WASHC2A: variants seen among roughly 807,000 people sequenced by gnomAD.
WASHC2A encodes WASH complex subunit FAM21A.
In WASHC2A, 82 loss-of-function variants were observed where a neutral mutation model predicts 140.3. The ratio of observed to expected loss-of-function variants is 0.58; its 90% CI spans 0.49 to 0.70. WASHC2A has a LOEUF of 0.70. Ranked by LOEUF, WASHC2A falls within the 30% of genes least tolerant of loss-of-function variation. The pLI, the probability that WASHC2A is intolerant of heterozygous loss-of-function variation, is 0.00. For synonymous variants in WASHC2A, 340 were observed against 560.8 expected, an observed-to-expected ratio of 0.61 and a Z score of 5.56; for missense variants, 985 against 1,521.8, an observed-to-expected ratio of 0.65 and a Z score of 5.87.
At chr10:50,113,423 C>T (rs1467134493) in intron 20 of WASHC2A, among the ~76,000 whole-genome samples, 4 of 151,294 alleles carry the variant, frequency 2.6e-5, no homozygotes, top group South Asian at 4.2e-4. Context: ...AATTATGTCT[C>T]AATAACGCTA....
intron 3 of WASHC2A, among the ~76,000 whole-genome samples, chr10:50,070,411 G>A (rs868970944): frequency 3.3e-5 from 5 of 152,242 alleles, no homozygotes; most frequent in Middle Eastern, 6.8e-3. Context: ...CTCATAGGGT[G>A]TCCCAACTTT....
At chr10:50,091,602 T>A in intron 10 of WASHC2A, 84 bp downstream of exon 10, 2 of 1,326,710 alleles carry the variant, frequency 1.5e-6, no homozygotes, top group Non-Finnish European at 2.1e-6. Context: ...GATTTCTCTT[T>A]TTATTAGTAA....
chr10:50,075,364 C>G (rs1838223312), intron 3 of WASHC2A, among the ~76,000 whole-genome samples: 1 of 151,184 alleles, frequency 6.6e-6, no homozygotes, highest in African/African-American at 2.4e-5. Context: ...TCGTCCTTAA[C>G]TCTAATCATT....
At chr10:50,069,953 G>C (rs187397031) in intron 3 of WASHC2A, among the ~76,000 whole-genome samples, 2 of 152,134 alleles carry the variant, frequency 1.3e-5, no homozygotes, top group East Asian at 3.9e-4. Flanking sequence ...ATCTTTTGTC[G>C]TTTTGAGAGT....
At chr10:50,073,334 A>G (rs1293112272) in intron 3 of WASHC2A, among the ~76,000 whole-genome samples, 2 of 152,158 alleles carry the variant, frequency 1.3e-5, no homozygotes, top group Non-Finnish European at 2.9e-5. Context: ...GCCCAAGGTT[A>G]GAATTTTTTT....
At chr10:50,071,957 G>A (rs1423789008) in intron 3 of WASHC2A, among the ~76,000 whole-genome samples, 479 of 132,616 alleles carry the variant, frequency 3.6e-3, no homozygotes, top group Middle Eastern at 7.1e-3. Context: ...CATCCAGGCT[G>A]GAGTGCAGTG....
chr10:50,129,425 G>A lies in WASHC2A; in HGVS notation c.3094G>A (p.Val1032Ile). 1 of 1,612,058 alleles carries A rather than the reference G, an allele frequency of 6.2e-7. No individual in the cohort carries two copies. Among genetic ancestry groups the A allele is most frequent in the African/African-American group, 1.3e-5 (1 of 74,990 alleles). ...TGTTTTTTTGCCATTGCAGAGCCGTGTCAAGATGAGAGGGAAGCGTAGACC... is the reference window on the plus strand; with the variant it reads ...TGTTTTTTTGCCATTGCAGAGCCGTATCAAGATGAGAGGGAAGCGTAGACC... ...DTLHSANKSRVKMRGKRRPQT... is the reference protein window; with the variant it reads ...DTLHSANKSRIKMRGKRRPQT... Residue 1032 changes from valine (V) to isoleucine (I), a missense_variant, in exon 29 of 31, where the codon GTC becomes ATC. Coordinates refer to ENST00000282633, the MANE Select transcript of WASHC2A (RefSeq NM_001005751.3).
chr10:50,132,907 A>G lies in WASHC2A; in HGVS notation c.3988A>G (p.Ile1330Val). 2 of 1,612,034 alleles carry G rather than the reference A, an allele frequency of 1.2e-6. No individual in the cohort carries two copies. Among genetic ancestry groups the G allele is most frequent in the Non-Finnish European group, 1.7e-6 (2 of 1,179,840 alleles). ...AAGATTTGAACACAAGGTGTCCAAC[A>G]TCTTTGATGATCCCCTGAATGCCTT... Reference protein sequence around the residue: ...EPRFEHKVSNIFDDPLNAFGG... With the variant: ...EPRFEHKVSNVFDDPLNAFGG... Residue 1330 changes from isoleucine to valine, a missense_variant, in exon 31 of 31, where the codon ATC becomes GTC. Ile to Val is a conservative substitution (Grantham distance 29, BLOSUM62 3). Coordinates refer to ENST00000282633, the MANE Select transcript of WASHC2A (RefSeq NM_001005751.3).
chr10:50,121,268 C>T (rs1328943751), intron 23 of WASHC2A, among the ~76,000 whole-genome samples: 6,694 of 150,296 alleles, frequency 0.045, 1,045 homozygotes, highest in African/African-American at 0.16. Flanking sequence ...CTGCAAAAAA[C>T]ATCCATTGGA....
At chr10:50,098,927 G>C in intron 16 of WASHC2A, among the ~76,000 whole-genome samples, 1 of 150,580 alleles carries the variant, frequency 6.6e-6, no homozygotes, top group East Asian at 2.0e-4. Context: ...TTGTCACTTG[G>C]TTGTTAGGGT....
rs1363368684 is a variant in WASHC2A, at chr10:50,104,090, C to T, written c.1684C>T (p.Leu562=). 1 of 1,460,422 alleles carries T rather than the reference C, an allele frequency of 6.8e-7. No individual in the cohort carries two copies. The highest frequency in any genetic ancestry group is 1.2e-5 in the South Asian group (1 of 85,682). 90.5% of individuals were successfully genotyped at this position (1,460,422 alleles called of 1,614,324 possible). ...GAGTAAGTTAAAAGGTGCGTCTCTG[C>T]TGCCTGGCAAGCTCCCCACGTTGGT... ...SASKLKGASL[L]PGKLPTLVSL... is the part of the protein sequence containing the mutation. Residue 562 remains leucine (L), a synonymous_variant, in exon 18 of 31, where the codon CTG becomes TTG. Transcript: ENST00000282633.
intron 3 of WASHC2A, among the ~76,000 whole-genome samples, chr10:50,075,171 A>G (rs2132357555): frequency 6.6e-6 from 1 of 152,018 alleles, no homozygotes; most frequent in Non-Finnish European, 1.5e-5. Flanking sequence ...ACCGTATCAT[A>G]ATTTATTTAA....
At chr10:50,109,972 A>G (rs2597000) in intron 19 of WASHC2A, 129 bp from the exon 20 acceptor site, 312,288 of 972,798 alleles carry the variant, frequency 0.32, 56,433 homozygotes, top group South Asian at 0.36. Flanking sequence ...GGGTTTCACC[A>G]TGTTAGCAAG....
At chr10:50,100,608 T>A (rs1378833241) in intron 17 of WASHC2A, among the ~76,000 whole-genome samples, 1 of 152,184 alleles carries the variant, frequency 6.6e-6, no homozygotes, top group African/African-American at 2.4e-5. Flanking sequence ...ATCCTCTCTC[T>A]TTAGGATGCT....
At chr10:50,100,240 T>C (rs1589222977) in intron 17 of WASHC2A, among the ~76,000 whole-genome samples, 176 bp downstream of exon 17, 1 of 152,172 alleles carries the variant, frequency 6.6e-6, no homozygotes, top group South Asian at 2.1e-4. Context: ...CCCAGCACTT[T>C]GGTAGGCCAA....
At chr10:50,075,786 C>A (rs1340763562) in intron 3 of WASHC2A, among the ~76,000 whole-genome samples, 1 of 152,116 alleles carries the variant, frequency 6.6e-6, no homozygotes, top group African/African-American at 2.4e-5. Context: ...GTATCATAAT[C>A]TTAAATACTG....
At chr10:50,075,527 T>C (rs1554877524) in intron 3 of WASHC2A, among the ~76,000 whole-genome samples, 2 of 151,798 alleles carry the variant, frequency 1.3e-5, no homozygotes, top group African/African-American at 4.8e-5. Context: ...CATCTCAGCC[T>C]CCTGAATAGC....
chr10:50,116,321 T>A (rs184165598), intron 21 of WASHC2A, among the ~76,000 whole-genome samples: 1,139 of 80,348 alleles, frequency 0.014, 402 homozygotes, highest in Middle Eastern at 0.04. Context: ...TATTATTATT[T>A]TTTTTTTTTT....
chr10:50,086,421 T>G (rs1839380827), intron 7 of WASHC2A, among the ~76,000 whole-genome samples: 1 of 152,054 alleles, frequency 6.6e-6, no homozygotes, highest in Admixed American at 6.6e-5. Flanking sequence ...GTCCCCTTCT[T>G]GGGCCTAATG....
Sources: allele counts gnomAD v4.1 joint callset (sites outside exome capture counted in the v4.1 genomes callset), GRCh38; gene constraint gnomAD v4.1.1; transcripts MANE v1.5; gene names NCBI Gene and HGNC (gene_info 2026-07-23, HGNC 2026-07-21).